The following YTHDC1 variants were observed in gnomAD, a reference collection of about 807,000 sequenced individuals.
The protein encoded by YTHDC1 is YTH domain-containing protein 1.
YTHDC1 carries 12 observed loss-of-function variants against 107.0 expected under a neutral mutation model. That is an observed-to-expected ratio of 0.11 (90% CI 0.07 to 0.18). The LOEUF (loss-of-function observed/expected upper bound fraction) is 0.18. Ranked by LOEUF, YTHDC1 falls within the 10% of genes least tolerant of loss-of-function variation. YTHDC1 has a pLI of 1.00. For synonymous variants in YTHDC1, 280 were observed against 289.5 expected (o/e 0.97, Z 0.33); for missense variants, 635 against 898.8 (o/e 0.71, Z 3.75).
chr4:68,338,444 A>G, intron 1 of YTHDC1, 60 bp from the exon 2 acceptor site: 1 of 1,323,660 alleles, frequency 7.6e-7, no homozygotes. Context: ...TGTATTTTTG[A>G]GTACTTACTA....
chr4:68,325,500 C>T (rs1578034342), intron 9 of YTHDC1, among the ~76,000 whole-genome samples: 3 of 152,132 alleles, frequency 2.0e-5, no homozygotes, highest in Non-Finnish European at 4.4e-5. Flanking sequence ...GAACATGCCA[C>T]ATAACCTTAC....
chr4:68,335,153 A>G (rs755435391), intron 4 of YTHDC1, among the ~76,000 whole-genome samples: 2 of 152,176 alleles, frequency 1.3e-5, no homozygotes, highest in Non-Finnish European at 2.9e-5. Context: ...AAAAATTCTG[A>G]GAATAAGGTA....
intron 1 of YTHDC1, among the ~76,000 whole-genome samples, chr4:68,338,836 G>A (rs1262105744): frequency 1.3e-5 from 2 of 152,208 alleles, no homozygotes; most frequent in African/African-American, 4.8e-5. Flanking sequence ...GGCGATAAGA[G>A]TGAGTTTCTC....
intron 9 of YTHDC1, among the ~76,000 whole-genome samples, chr4:68,328,941 T>C (rs950211581): frequency 2.0e-5 from 3 of 152,190 alleles, no homozygotes; most frequent in African/African-American, 2.4e-5. Flanking sequence ...TATCTAAACA[T>C]AGAAAAGGTA....
intron 11 of YTHDC1, among the ~76,000 whole-genome samples, chr4:68,320,944 T>C (rs10031034): frequency 0.043 from 6,601 of 152,050 alleles, 443 homozygotes; most frequent in African/African-American, 0.15. Context: ...AAGTAATGGG[T>C]CAGAATTTTA....
intron 1 of YTHDC1, among the ~76,000 whole-genome samples, chr4:68,345,730 G>C (rs1560506988): frequency 6.6e-6 from 1 of 151,984 alleles, no homozygotes; most frequent in African/African-American, 2.4e-5. Context: ...AGTGAACCAA[G>C]ACAGGCAATT....
chr4:68,328,787 T>C (rs1010226263), intron 9 of YTHDC1, among the ~76,000 whole-genome samples: 12 of 152,234 alleles, frequency 7.9e-5, no homozygotes, highest in Non-Finnish European at 1.5e-4. Flanking sequence ...CATCACAGAA[T>C]GCACTTACAC....
rs745405437 is a variant in YTHDC1, at chr4:68,333,413, GT to G, written c.884-17del. On this transcript the variant is annotated splice_polypyrimidine_tract_variant and intron_variant, in intron 4 of 16. Transcript: ENST00000344157. Reference sequence around the variant, plus strand: ...TTTTTCTCATCTAAAAAGAACAAGAGTTTTTTTTTTAAATCACAATACAGAA... The same window carrying G: ...TTTTTCTCATCTAAAAAGAACAAGAGTTTTTTTTTAAATCACAATACAGAA... 907 of 1,411,070 alleles carry G rather than the reference GT, an allele frequency of 6.4e-4. No homozygotes were observed. The highest frequency in any genetic ancestry group is 8.6e-4 in the Admixed American group (44 of 50,890). The allele number at this position is 1,411,070 out of a possible 1,614,324, so 87.4% of individuals were successfully genotyped here. A position where few individuals can be genotyped will look rare whatever the true frequency, so the allele number is the denominator to read the frequency against.
At chr4:68,346,054 TGTGTGC>T in intron 1 of YTHDC1, among the ~76,000 whole-genome samples, 1 of 146,084 alleles carries the variant, frequency 6.8e-6, no homozygotes, top group African/African-American at 2.5e-5. Flanking sequence ...TGTGTGCATG[TGTGTGC>T]ACATGACTGT....
chr4:68,327,177 G>C (rs149981516), intron 9 of YTHDC1, among the ~76,000 whole-genome samples: 3 of 151,828 alleles, frequency 2.0e-5, no homozygotes, highest in African/African-American at 7.3e-5. Context: ...CGGAAGTTGT[G>C]GTGAGCCGAG....
chr4:68,347,367 A>T (rs1725568317), intron 1 of YTHDC1, among the ~76,000 whole-genome samples: 2 of 152,260 alleles, frequency 1.3e-5, no homozygotes, highest in South Asian at 4.1e-4. Context: ...GTTAACACCA[A>T]CATTGCAACA....
chr4:68,325,777 G>C (rs1722928426), intron 9 of YTHDC1, among the ~76,000 whole-genome samples: 1 of 152,090 alleles, frequency 6.6e-6, no homozygotes, highest in African/African-American at 2.4e-5. Flanking sequence ...AAATTAACAA[G>C]GTGGTATATT....
intron 12 of YTHDC1, 48 bp downstream of exon 12, chr4:68,320,075 T>A: frequency 6.7e-7 from 1 of 1,502,052 alleles, no homozygotes; most frequent in Non-Finnish European, 9.1e-7. Context: ...TTTTAATTTT[T>A]TTCCAATAAT....
chr4:68,345,047 A>G (rs943828048), intron 1 of YTHDC1, among the ~76,000 whole-genome samples: 2 of 152,206 alleles, frequency 1.3e-5, no homozygotes, highest in Non-Finnish European at 2.9e-5. Context: ...AACAACAAAA[A>G]AAATCATTAT....
In YTHDC1 at chr4:68,322,729, G is replaced by A. The variant is rs199666986; in HGVS notation, c.1601+20C>T. 1 of 1,612,996 alleles carries A rather than the reference G, an allele frequency of 6.2e-7. No homozygotes were observed. Among genetic ancestry groups the A allele is most frequent in the Non-Finnish European group, 8.5e-7 (1 of 1,179,246 alleles). On this transcript the variant is annotated intron_variant, in intron 11 of 16. Coordinates refer to ENST00000344157, the MANE Select transcript of YTHDC1 (RefSeq NM_001031732.4). This position sits in a 1 kb window ranked among gnomAD's most constrained non-coding sequence, Gnocchi z 4.8. ...ATTCTGATACATGTGCCTATTATCA[G>A]TCCAAAGAACGTTTCTAACCTTCCC...
rs991863590 is a variant in YTHDC1 at position 68,310,513 on chromosome 4, TAG to T, written c.*3584_*3585del. 1.3e-5 allele frequency: 2 copies of T among 152,138 alleles called. No homozygotes were observed. The highest frequency in any genetic ancestry group is 2.4e-5 in the African/African-American group (1 of 41,438). The allele number at this position is 152,138 out of a possible 1,614,324, so 9.4% of individuals were successfully genotyped here. On this transcript the variant is annotated 3_prime_UTR_variant, in exon 17 of 17. Coordinates refer to ENST00000344157, the MANE Select transcript of YTHDC1 (RefSeq NM_001031732.4). Reference sequence around the variant, plus strand: ...CAAGAGAATCCCCACCCCAAAAAATTAGAGATTAAATGATCTACATGATAGAT... The same window carrying T: ...CAAGAGAATCCCCACCCCAAAAAATTAGATTAAATGATCTACATGATAGAT...
intron 9 of YTHDC1, among the ~76,000 whole-genome samples, chr4:68,328,566 T>C (rs1028329855): frequency 2.6e-5 from 4 of 152,252 alleles, no homozygotes; most frequent in Admixed American, 1.3e-4. Context: ...TGTGCACAAT[T>C]ACTTCCACAT....
chr4:68,340,891 A>G (rs756995699), intron 1 of YTHDC1, among the ~76,000 whole-genome samples: 15 of 152,096 alleles, frequency 9.9e-5, no homozygotes, highest in Admixed American at 2.0e-4. Context: ...AGTTTCAAAC[A>G]CACTTAAAGC....
chr4:68,323,213 A>G (rs1481133227), intron 10 of YTHDC1, among the ~76,000 whole-genome samples: 1 of 152,220 alleles, frequency 6.6e-6, no homozygotes. Flanking sequence ...GCAAAATAGA[A>G]AAATATCAGG....
Sources: allele counts gnomAD v4.1 joint callset (sites outside exome capture counted in the v4.1 genomes callset), GRCh38; gene constraint gnomAD v4.1.1; non-coding constraint Gnocchi (gnomAD v3.1); transcripts MANE v1.5; gene names NCBI Gene and HGNC (gene_info 2026-07-23, HGNC 2026-07-21).